Variants in OSBPL6 observed in about 807,000 individuals in gnomAD.
The protein encoded by OSBPL6 is oxysterol-binding protein-related protein 6.
OSBPL6 carries 49 observed loss-of-function variants against 125.8 expected under a neutral mutation model. That is an observed-to-expected ratio of 0.39 (90% CI 0.31 to 0.49). OSBPL6 has a LOEUF of 0.49. Among genes scored for constraint, OSBPL6 ranks in the 20% least tolerant of loss-of-function variants. OSBPL6 has a pLI of 0.88. For synonymous variants in OSBPL6, 394 were observed against 391.8 expected (o/e 1.01, Z -0.07); for missense variants, 986 against 1,135.4 (o/e 0.87, Z 1.89).
chr2:178,228,800 A>G (rs1453535270), intron 1 of OSBPL6, among the ~76,000 whole-genome samples: 1 of 152,202 alleles, frequency 6.6e-6, no homozygotes, highest in Non-Finnish European at 1.5e-5. Flanking sequence ...CATCAGAAAT[A>G]CTTGATCTAT....
intron 1 of OSBPL6, among the ~76,000 whole-genome samples, chr2:178,272,846 G>C (rs2092399400): frequency 6.6e-6 from 1 of 152,222 alleles, no homozygotes; most frequent in Non-Finnish European, 1.5e-5. Context: ...GTGCAGGTGG[G>C]CTTACAAAGA....
intron 15 of OSBPL6, among the ~76,000 whole-genome samples, chr2:178,378,974 G>A (rs1024204763): frequency 5.9e-5 from 9 of 151,922 alleles, no homozygotes; most frequent in Non-Finnish European, 1.0e-4. Context: ...AGACCAGCCC[G>A]GGCAATACAG....
chr2:178,331,943 G>A (rs950859760), intron 6 of OSBPL6, among the ~76,000 whole-genome samples: 3 of 152,132 alleles, frequency 2.0e-5, no homozygotes, highest in Non-Finnish European at 4.4e-5. Flanking sequence ...CTCTGTTCTT[G>A]TCAATGTCCT....
At chr2:178,350,391 T>C (rs2154090545) in intron 12 of OSBPL6, among the ~76,000 whole-genome samples, 1 of 152,286 alleles carries the variant, frequency 6.6e-6, no homozygotes, top group East Asian at 1.9e-4. Context: ...AAACATTGTA[T>C]TGCTTTTCGT....
At chr2:178,271,995 G>A (rs978061669) in intron 1 of OSBPL6, among the ~76,000 whole-genome samples, 4 of 152,186 alleles carry the variant, frequency 2.6e-5, no homozygotes, top group African/African-American at 9.7e-5. Context: ...TTGAGGCTTA[G>A]GGAAATTACT....
intron 3 of OSBPL6, among the ~76,000 whole-genome samples, chr2:178,310,142 T>A (rs892121960): frequency 5.9e-5 from 9 of 152,336 alleles, no homozygotes; most frequent in African/African-American, 1.9e-4. Context: ...GGGACATTGA[T>A]CCCAGATTTC....
chr2:178,209,056 C>G (rs1346655258), intron 1 of OSBPL6, among the ~76,000 whole-genome samples: 1 of 152,110 alleles, frequency 6.6e-6, no homozygotes, highest in Non-Finnish European at 1.5e-5. Context: ...GTTTTTCTGT[C>G]TGGTAGTTAG....
At chr2:178,334,070 G>A (rs888740666) in intron 8 of OSBPL6, among the ~76,000 whole-genome samples, 2 of 152,164 alleles carry the variant, frequency 1.3e-5, no homozygotes, top group Non-Finnish European at 1.5e-5. Flanking sequence ...GTTCACTTCT[G>A]TGTTGATGAA....
At chr2:178,339,985 A>G (rs996400322) in intron 11 of OSBPL6, among the ~76,000 whole-genome samples, 8 of 152,168 alleles carry the variant, frequency 5.3e-5, no homozygotes, top group Non-Finnish European at 1.2e-4. Context: ...ATTATGCGAT[A>G]TGTGTTCAAA....
chr2:178,250,675 A>G (rs551670123), intron 1 of OSBPL6, among the ~76,000 whole-genome samples: 9 of 152,042 alleles, frequency 5.9e-5, no homozygotes, highest in Non-Finnish European at 5.9e-5. Flanking sequence ...CTCCAACTGA[A>G]CGACTTCTGC....
At position 178,298,709 on chromosome 2, in the gene OSBPL6, T is replaced by G. The variant is rs543957320; in HGVS notation, c.-155-7321T>G. 1.9e-4 allele frequency among the ~76,000 whole-genome samples: 29 copies of G among 151,230 alleles called. No individual in the cohort carries two copies. In the East Asian group the frequency reaches 1.9e-3, roughly 10 times the overall value. ...ATTTTTAGTTGCTTTTTTTTTTGTT[T>G]TTTTTTTTTTGCCGTACTGTTCTCC... On this transcript the variant is annotated intron_variant, in intron 2 of 24. Transcript: ENST00000190611.
chr2:178,220,179 C>A (rs1206876091), intron 1 of OSBPL6, among the ~76,000 whole-genome samples: 7 of 152,128 alleles, frequency 4.6e-5, no homozygotes, highest in Admixed American at 2.0e-4. Flanking sequence ...TTGGCTGAGG[C>A]TTTAGACATC....
chr2:178,287,153 A>ATTTT (rs1204095521), intron 2 of OSBPL6, among the ~76,000 whole-genome samples: 14 of 143,344 alleles, frequency 9.8e-5, no homozygotes, highest in South Asian at 4.4e-4. Context: ...TTTTTTTAAA[A>ATTTT]AAAAAAAAAA....
In OSBPL6 at chr2:178,314,080, T is replaced by G. The variant is rs547708220; in HGVS notation, c.102+7794T>G. 3.9e-5 allele frequency among the ~76,000 whole-genome samples: 6 copies of G among 152,346 alleles called. No homozygotes were observed. The South Asian group carries it at 8.3e-4, about 21-fold the overall frequency. On this transcript the variant is annotated intron_variant, in intron 3 of 24. Transcript: ENST00000190611. Reference sequence around the variant, plus strand: ...GTGAACTGAATTGGAATGTGTCTCCTCCGACTGAGCCTCTGTAGCATCTTC... The same window carrying G: ...GTGAACTGAATTGGAATGTGTCTCCGCCGACTGAGCCTCTGTAGCATCTTC...
intron 1 of OSBPL6, among the ~76,000 whole-genome samples, chr2:178,255,314 A>G (rs2091845344): frequency 6.6e-6 from 1 of 152,036 alleles, no homozygotes; most frequent in South Asian, 2.1e-4. Flanking sequence ...TCTCAAAAAC[A>G]AAAAACAAAA....
At chr2:178,319,211 C>G (rs1484257684) in intron 3 of OSBPL6, among the ~76,000 whole-genome samples, 1 of 152,122 alleles carries the variant, frequency 6.6e-6, no homozygotes, top group Non-Finnish European at 1.5e-5. Context: ...TACAAATTGT[C>G]TGGTTTGAGT....
At chr2:178,267,373 A>G (rs1008470575) in intron 1 of OSBPL6, among the ~76,000 whole-genome samples, 2 of 150,422 alleles carry the variant, frequency 1.3e-5, no homozygotes, top group Non-Finnish European at 3.0e-5. Flanking sequence ...AAAAAAAAAA[A>G]AACAAAACAA....
At chr2:178,272,965 G>C (rs1180176604) in intron 1 of OSBPL6, among the ~76,000 whole-genome samples, 1 of 152,208 alleles carries the variant, frequency 6.6e-6, no homozygotes, top group East Asian at 1.9e-4. Context: ...TAGGTGCTGA[G>C]TGAAAGTTAT....
In OSBPL6 at chr2:178,210,382, A is replaced by G. The variant is rs76512701; in HGVS notation, c.-351+15708A>G. ...ACTTTCAAACTGACCTTCCCCTGCAATTAGGACACCTTAGTATTTTACTGT... is the reference window on the plus strand; with the variant it reads ...ACTTTCAAACTGACCTTCCCCTGCAGTTAGGACACCTTAGTATTTTACTGT... On this transcript the variant is annotated intron_variant, in intron 1 of 24. Coordinates refer to ENST00000190611, the MANE Select transcript of OSBPL6 (RefSeq NM_032523.4). 9.3e-3 allele frequency among the ~76,000 whole-genome samples: 1,374 copies of G among 147,002 alleles called. 17 individuals are homozygous for G. The highest frequency in any genetic ancestry group is 0.031 in the African/African-American group (1,267 of 40,574).
Sources: gnomAD v4.1 joint callset for allele counts (sites outside exome capture counted in the v4.1 genomes callset) on GRCh38, gnomAD v4.1.1 for gene constraint, MANE v1.5 for transcripts, NCBI Gene and HGNC (gene_info 2026-07-23, HGNC 2026-07-21) for gene names.